The following PAPPA variants were observed in gnomAD, a reference collection of about 807,000 sequenced individuals.
The protein encoded by PAPPA is pappalysin 1.
A neutral mutation model predicts 164.0 loss-of-function variants in PAPPA; 60 were observed. That is an observed-to-expected ratio of 0.37 (90% CI 0.30 to 0.45). The LOEUF is 0.45. Among genes scored for constraint, PAPPA ranks in the 20% least tolerant of loss-of-function variants. PAPPA has a pLI of 1.00. For synonymous variants in PAPPA, 875 were observed against 814.1 expected (o/e 1.07, Z -1.27); for missense variants, 1,782 against 2,087.3 (o/e 0.85, Z 2.85).
chr9:116,362,442 T>A (rs1426506223), intron 17 of PAPPA, 150 bp from the exon 18 acceptor site: 13 of 706,454 alleles, frequency 1.8e-5, no homozygotes, highest in Non-Finnish European at 2.5e-5. Context: ...TCTTTCAGGG[T>A]GGTTGAGTTT....
Position 116,334,985 on chromosome 9 carries a change from G to T in PAPPA, c.3522G>T (p.Ser1174=), listed in dbSNP as rs754542128. 1 of 1,613,928 alleles carries T rather than the reference G, an allele frequency of 6.2e-7. No individual in the cohort carries two copies. The highest frequency in any genetic ancestry group is 8.5e-7 in the Non-Finnish European group (1 of 1,179,986). Residue 1174 remains serine, a synonymous_variant, in exon 13 of 22, where the codon TCG becomes TCT. Coordinates refer to ENST00000328252, the MANE Select transcript of PAPPA (RefSeq NM_002581.5). The part of the protein sequence containing the change: ...VSFSSPLVAI[S]GVALRSFDNF... ...TCAGTTCGCCCCTGGTCGCCATCTCGGGGGTGGCCCTCCGTTCCTTCGACA... is the reference window on the plus strand; with the variant it reads ...TCAGTTCGCCCCTGGTCGCCATCTCTGGGGTGGCCCTCCGTTCCTTCGACA...
At chr9:116,190,738 C>T (rs1372556722) in intron 2 of PAPPA, among the ~76,000 whole-genome samples, 1 of 152,250 alleles carries the variant, frequency 6.6e-6, no homozygotes, top group South Asian at 2.1e-4. Context: ...GCAGACAGCA[C>T]TGGCAGGTTC....
intron 9 of PAPPA, among the ~76,000 whole-genome samples, chr9:116,288,436 TCCCTCCCTC>T (rs1845369964): frequency 3.0e-5 from 1 of 32,996 alleles, no homozygotes; most frequent in Admixed American, 2.4e-4. Context: ...CCTCCCTCCC[TCCCTCCCTC>T]CCTTCCTTCC....
intron 5 of PAPPA, among the ~76,000 whole-genome samples, chr9:116,220,611 G>A (rs1039568344): frequency 2.4e-4 from 36 of 151,612 alleles, no homozygotes; most frequent in African/African-American, 8.7e-4. Context: ...ATACAAGGCC[G>A]GGCATGGTGG....
At position 116,344,727 on chromosome 9, in the gene PAPPA, G is replaced by C. The variant is rs375425753; in HGVS notation, c.3780+16G>C. 40 of 1,604,140 alleles carry C rather than the reference G, an allele frequency of 2.5e-5. No individual in the cohort carries two copies. Among genetic ancestry groups the C allele is most frequent in the Non-Finnish European group, 3.4e-5 (40 of 1,172,330 alleles). On this transcript the variant is annotated intron_variant, in intron 14 of 21. Coordinates refer to ENST00000328252, the MANE Select transcript of PAPPA (RefSeq NM_002581.5). ...CAAGAGCCAGGTATGTGCAGGTGCTGAGCTCAGAGCCTCTCTGCAGCCCAG... is the reference window on the plus strand; with the variant it reads ...CAAGAGCCAGGTATGTGCAGGTGCTCAGCTCAGAGCCTCTCTGCAGCCCAG...
intron 21 of PAPPA, among the ~76,000 whole-genome samples, chr9:116,388,673 A>G (rs1846848909): frequency 6.6e-6 from 1 of 152,186 alleles, no homozygotes; most frequent in African/African-American, 2.4e-5. Flanking sequence ...AGGCTTTCTA[A>G]AAATGTGCCT....
chr9:116,368,836 CA>C (rs1846534994), intron 19 of PAPPA, among the ~76,000 whole-genome samples: 1 of 152,148 alleles, frequency 6.6e-6, no homozygotes, highest in Non-Finnish European at 1.5e-5. Flanking sequence ...GATAGCTGGG[CA>C]GAACCTGATA....
chr9:116,353,911 C>T (rs1172940096), intron 17 of PAPPA, 118 bp downstream of exon 17: 1 of 685,716 alleles, frequency 1.5e-6, no homozygotes, highest in African/African-American at 1.8e-5. Context: ...TCCTCATTTT[C>T]CTACCCGCAA....
intron 2 of PAPPA, among the ~76,000 whole-genome samples, chr9:116,191,024 G>T (rs879630326): frequency 2.0e-5 from 3 of 151,202 alleles, no homozygotes; most frequent in Non-Finnish European, 4.4e-5. Flanking sequence ...AAGGGAGGAA[G>T]GGAAGGAGGG....
chr9:116,231,959 G>C (rs1439824775), intron 6 of PAPPA, among the ~76,000 whole-genome samples: 2 of 151,630 alleles, frequency 1.3e-5, no homozygotes, highest in African/African-American at 4.8e-5. Context: ...TGACCATGTA[G>C]GTCAGGCTGG....
At chr9:116,292,065 A>G (rs943551741) in intron 9 of PAPPA, among the ~76,000 whole-genome samples, 18 of 152,298 alleles carry the variant, frequency 1.2e-4, no homozygotes, top group African/African-American at 4.1e-4. Context: ...TACTTAAGGA[A>G]TAGATACTTG....
chr9:116,302,630 T>C, intron 9 of PAPPA, 127 bp from the exon 10 acceptor site: 2 of 662,910 alleles, frequency 3.0e-6, no homozygotes, highest in South Asian at 2.1e-5. Flanking sequence ...TAGTCCATCG[T>C]GACTAATGTG....
Position 116,401,637 on chromosome 9 carries a change from CTCG to C in PAPPA, c.*5024_*5026del, listed in dbSNP as rs766021011. On this transcript the variant is annotated 3_prime_UTR_variant, in exon 22 of 22. Coordinates refer to ENST00000328252, the MANE Select transcript of PAPPA (RefSeq NM_002581.5). Reference sequence around the variant, plus strand: ...AATATTTACAAAATAAAACTGTGATCTCGTCTAGAGAAAATGTATTCATATTAC... The same window carrying C: ...AATATTTACAAAATAAAACTGTGATCTCTAGAGAAAATGTATTCATATTAC... 4.6e-5 allele frequency: 7 copies of C among 151,188 alleles called. No homozygotes were observed. Among genetic ancestry groups the C allele is most frequent in the Non-Finnish European group, 7.4e-5 (5 of 67,772 alleles). 9.4% of individuals were successfully genotyped at this position (151,188 alleles called of 1,614,324 possible).
rs1436196539 is a variant in PAPPA, at chr9:116,235,205, A to G, written c.2300A>G (p.Asn767Ser). The G allele has an allele frequency of 3.7e-6, 6 of 1,613,698 alleles. No homozygotes were observed. The highest frequency in any genetic ancestry group is 1.1e-5 in the South Asian group (1 of 91,056). Reference sequence around the variant, plus strand: ...ACCTGGAGCCCAAATTCAGCTGTCAACCCACACACGGTTCCTCCAGCCTGC... The same window carrying G: ...ACCTGGAGCCCAAATTCAGCTGTCAGCCCACACACGGTTCCTCCAGCCTGC... ...VRTWSPNSAV[N>S]PHTVPPACPE... Residue 767 changes from asparagine to serine, a missense_variant, in exon 7 of 22, where the codon AAC (asparagine) becomes AGC (serine). Transcript: ENST00000328252.
chr9:116,393,272 C>T (rs1296245990), intron 21 of PAPPA, among the ~76,000 whole-genome samples: 1 of 152,168 alleles, frequency 6.6e-6, no homozygotes, highest in East Asian at 1.9e-4. Context: ...GAAGGATTTT[C>T]AGCCAGATGA....
chr9:116,292,079 T>C (rs1223149047), intron 9 of PAPPA, among the ~76,000 whole-genome samples: 1 of 152,166 alleles, frequency 6.6e-6, no homozygotes, highest in African/African-American at 2.4e-5. Context: ...ATACTTGTTG[T>C]GTCGATAGAT....
chr9:116,263,932 C>T lies in PAPPA; in HGVS notation c.2733-1925C>T, dbSNP rs535066020. Among the ~76,000 whole-genome samples the T allele has an allele frequency of 6.6e-5, 10 of 152,298 alleles. No homozygotes were observed. The East Asian group carries it at 1.9e-3, about 29-fold the overall frequency. Reference sequence around the variant, plus strand: ...AATGTAGAGAAGTACTTTTCATACTCACCCTTTTCCAGAGAACTACCCCCA... The same window carrying T: ...AATGTAGAGAAGTACTTTTCATACTTACCCTTTTCCAGAGAACTACCCCCA... On this transcript the variant is annotated intron_variant, in intron 7 of 21. Coordinates refer to ENST00000328252, the MANE Select transcript of PAPPA (RefSeq NM_002581.5).
At chr9:116,337,618 C>T (rs1490435989) in intron 13 of PAPPA, among the ~76,000 whole-genome samples, 2 of 152,056 alleles carry the variant, frequency 1.3e-5, no homozygotes, top group East Asian at 1.9e-4. Context: ...TCTCCTCCCT[C>T]CACAACCTTT....
chr9:116,198,931 T>C lies in PAPPA; in HGVS notation c.1479-8525T>C, dbSNP rs180916887. The stretch of plus-strand genomic sequence containing the variant: ...CATGGTGGAGTGTTTTTTTTTCCCC[T>C]TTTGAATGCTTTATTTATTCATCGA... On this transcript the variant is annotated intron_variant, in intron 2 of 21. Coordinates refer to ENST00000328252, the MANE Select transcript of PAPPA (RefSeq NM_002581.5). 3.9e-5 allele frequency among the ~76,000 whole-genome samples: 6 copies of C among 152,278 alleles called. No homozygotes were observed. The East Asian group carries it at 7.7e-4, about 20-fold the overall frequency.
Sources: allele counts gnomAD v4.1 joint callset (sites outside exome capture counted in the v4.1 genomes callset), GRCh38; gene constraint gnomAD v4.1.1; transcripts MANE v1.5; gene names NCBI Gene and HGNC (gene_info 2026-07-23, HGNC 2026-07-21).